The following GNB1 variants were observed in gnomAD, a reference collection of about 807,000 sequenced individuals.
GNB1 encodes guanine nucleotide-binding protein G(I)/G(S)/G(T) subunit beta-1.
In GNB1, 2 loss-of-function variants were observed where a neutral mutation model predicts 42.9. The observed-to-expected ratio is 0.05, with a 90% CI of 0.02 to 0.15. The LOEUF (loss-of-function observed/expected upper bound fraction) is 0.15, where lower values mean the gene tolerates loss of function less well. Among genes scored for constraint, GNB1 ranks in the 10% least tolerant of loss-of-function variants. The pLI is 1.00. For missense variants in GNB1, 193 were observed against 462.2 expected (o/e 0.42, Z 5.34); for synonymous variants, 183 against 174.7 (o/e 1.05, Z -0.38).
intron 5 of GNB1, among the ~76,000 whole-genome samples, chr1:1,809,189 ATTTTT>A (rs34549355): frequency 1.4e-4 from 13 of 92,700 alleles, no homozygotes; most frequent in Non-Finnish European, 3.0e-4. Flanking sequence ...TTCAGATGCA[ATTTTT>A]TTTTTTTTTT....
chr1:1,846,212 T>TAA (rs879266419), intron 1 of GNB1, among the ~76,000 whole-genome samples: 8 of 143,376 alleles, frequency 5.6e-5, no homozygotes, highest in African/African-American at 2.0e-4. Context: ...ACATATAAAT[T>TAA]AAAAAAAAAA....
intron 1 of GNB1, among the ~76,000 whole-genome samples, chr1:1,877,328 T>C (rs537410715): frequency 7.4e-5 from 11 of 147,738 alleles, no homozygotes; most frequent in South Asian, 2.1e-4. Flanking sequence ...TATATATATA[T>C]ATACACACAC....
chr1:1,796,483 G>A (rs1029982272), intron 7 of GNB1, among the ~76,000 whole-genome samples: 1 of 152,228 alleles, frequency 6.6e-6, no homozygotes, highest in African/African-American at 2.4e-5. Context: ...TGTAACTGGG[G>A]AACTGATGGG....
rs567628094 is a variant in GNB1, at chr1:1,809,854, A to AT, written c.204-3317dup. Among the ~76,000 whole-genome samples, 328 of 152,320 alleles carry AT rather than the reference A, an allele frequency of 2.2e-3. 1 individual carries two copies. The highest frequency in any genetic ancestry group is 7.6e-3 in the African/African-American group (316 of 41,568). On this transcript the variant is annotated intron_variant, in intron 5 of 11. Transcript: ENST00000378609. ...ATCTGAGGTGCCACTCACCTAGAAC[A>AT]TAGAGGCAAGGGCCAGGAAGCAAGC...
intron 1 of GNB1, among the ~76,000 whole-genome samples, chr1:1,887,360 T>C (rs760746353): frequency 6.6e-6 from 1 of 152,196 alleles, no homozygotes; most frequent in Non-Finnish European, 1.5e-5. Context: ...TGAAGACCTT[T>C]TTCATCCTTT....
intron 1 of GNB1, among the ~76,000 whole-genome samples, chr1:1,842,157 A>C (rs546189168): frequency 6.6e-6 from 1 of 151,936 alleles, no homozygotes; most frequent in Non-Finnish European, 1.5e-5. Flanking sequence ...ATTGCCAGGC[A>C]CGGTGGCTCA....
intron 5 of GNB1, among the ~76,000 whole-genome samples, chr1:1,814,458 CG>C (rs1290505862): frequency 6.6e-6 from 1 of 151,930 alleles, no homozygotes; most frequent in African/African-American, 2.4e-5. Context: ...TGTGGGGTCA[CG>C]GAAGGGAGAT....
At position 1,809,759 on chromosome 1, in the gene GNB1, G is replaced by A. The variant is rs77866368; in HGVS notation, c.204-3221C>T. 9.5e-3 allele frequency among the ~76,000 whole-genome samples: 1,440 copies of A among 152,208 alleles called. 21 individuals are homozygous for A. The highest frequency in any genetic ancestry group is 0.033 in the African/African-American group (1,378 of 41,530). On this transcript the variant is annotated intron_variant, in intron 5 of 11. Transcript: ENST00000378609. ...GAGAGAAGACATGCCTCCTAGTCCC[G>A]GGTCAGGGAGCTGTTGGAAAGCTGG...
At chr1:1,862,631 G>T (rs539348736) in intron 1 of GNB1, among the ~76,000 whole-genome samples, 4 of 151,736 alleles carry the variant, frequency 2.6e-5, no homozygotes, top group Non-Finnish European at 5.9e-5. Context: ...CCCGATTTTT[G>T]TAATTTTTGT....
intron 7 of GNB1, among the ~76,000 whole-genome samples, chr1:1,802,294 A>C (rs1035761954): frequency 1.4e-4 from 22 of 152,326 alleles, no homozygotes; most frequent in Admixed American, 1.2e-3. Flanking sequence ...CATTAAAAAC[A>C]AGCCTCAAAT....
chr1:1,835,686 A>T (rs570176756), intron 2 of GNB1, among the ~76,000 whole-genome samples: 18 of 152,264 alleles, frequency 1.2e-4, no homozygotes, highest in Non-Finnish European at 2.5e-4. Context: ...TACATGTACA[A>T]GTCTTTATGA....
rs995486534 is a variant in GNB1, at chr1:1,821,504, C to A, written c.58-3629G>T. On this transcript the variant is annotated intron_variant, in intron 3 of 11. Coordinates refer to ENST00000378609, the MANE Select transcript of GNB1 (RefSeq NM_002074.5). ...TGTTTGATTCACTATGCTCTGCATT[C>A]TTTAACAAGCACGTATTCCTTGGGC... is the stretch of plus-strand genomic sequence containing the variant. 2.0e-5 allele frequency among the ~76,000 whole-genome samples: 3 copies of A among 152,242 alleles called. No individual in the cohort carries two copies. The East Asian group carries it at 5.8e-4, about 29-fold the overall frequency.
chr1:1,829,718 C>T (rs182608637), intron 2 of GNB1, among the ~76,000 whole-genome samples: 62 of 152,248 alleles, frequency 4.1e-4, no homozygotes, highest in Non-Finnish European at 2.4e-4. Flanking sequence ...AGGACAAACG[C>T]CAATGCCAGG....
chr1:1,810,592 A>G (rs1646762120), intron 5 of GNB1, among the ~76,000 whole-genome samples: 1 of 150,996 alleles, frequency 6.6e-6, no homozygotes, highest in Non-Finnish European at 1.5e-5. Context: ...TGATAAACAT[A>G]TTACAAATGT....
At chr1:1,826,395 T>C (rs1040122170) in intron 2 of GNB1, among the ~76,000 whole-genome samples, 15 of 152,084 alleles carry the variant, frequency 9.9e-5, no homozygotes, top group Admixed American at 8.5e-4. Flanking sequence ...CCGGCCTGGG[T>C]GACAGAGCGA....
At chr1:1,888,261 G>A (rs1297313921) in intron 1 of GNB1, among the ~76,000 whole-genome samples, 1 of 151,736 alleles carries the variant, frequency 6.6e-6, no homozygotes, top group African/African-American at 2.4e-5. Context: ...AAAGGTTCCC[G>A]CAGAAGATAA....
intron 1 of GNB1, among the ~76,000 whole-genome samples, chr1:1,870,839 G>A (rs1485562712): frequency 6.6e-6 from 1 of 152,164 alleles, no homozygotes; most frequent in East Asian, 1.9e-4. Context: ...TCGGGAGGCT[G>A]AGGCAGGAGA....
Position 1,787,418 on chromosome 1 carries a change from G to A in GNB1, c.936C>T (p.Asp312=), listed in dbSNP as rs1455316357. 2.5e-6 allele frequency: 4 copies of A among 1,612,492 alleles called. No individual in the cohort carries two copies. Among genetic ancestry groups the A allele is most frequent in the Middle Eastern group, 1.7e-4 (1 of 6,058 alleles). ...TCACGCCCAGGCAGCTGACGCGGTT[G>A]TCATGCCCAGCCAAGACACCTGGGA... is the stretch of plus-strand genomic sequence containing the variant. ...ADRAGVLAGH[D]NRVSCLGVTD... The change falls in exon 11 of 12, where the codon GAC becomes GAT. Residue 312 remains aspartate, a synonymous_variant. Transcript: ENST00000378609. The surrounding 1 kb of genome is among the most constrained non-coding windows in gnomAD (Gnocchi z 4.4).
intron 7 of GNB1, among the ~76,000 whole-genome samples, chr1:1,797,850 C>T (rs973907510): frequency 3.3e-5 from 5 of 152,218 alleles, no homozygotes; most frequent in African/African-American, 9.6e-5. Flanking sequence ...CCAAGGGAGG[C>T]GCACAGGACA....
Sources: gnomAD v4.1 joint callset for allele counts (sites outside exome capture counted in the v4.1 genomes callset) on GRCh38, gnomAD v4.1.1 for gene constraint, Gnocchi (gnomAD v3.1) non-coding constraint, MANE v1.5 for transcripts, NCBI Gene and HGNC (gene_info 2026-07-23, HGNC 2026-07-21) for gene names.